Variants in SIRT7 observed in about 807,000 individuals in gnomAD.
SIRT7 encodes NAD-dependent protein deacetylase sirtuin-7.
Under a neutral mutation model 42.8 loss-of-function variants are expected in SIRT7, and 32 were observed. That is an observed-to-expected ratio of 0.75 (90% CI 0.56 to 1.00). The LOEUF is 1.00. Ranked by LOEUF, SIRT7 falls within the 50% of genes least tolerant of loss-of-function variation. The pLI, the probability that SIRT7 is intolerant of heterozygous loss-of-function variation, is 0.00. For missense variants in SIRT7, 553 were observed against 572.2 expected (o/e 0.97, Z 0.34); for synonymous variants, 297 against 245.2 (o/e 1.21, Z -1.97).
Position 81,914,498 on chromosome 17 carries a change from G to A in SIRT7, c.612C>T (p.Tyr204=), listed in dbSNP as rs1326886595. The A allele has an allele frequency of 1.3e-5, 21 of 1,613,064 alleles. No homozygotes were observed. The highest frequency in any genetic ancestry group is 1.7e-5 in the Non-Finnish European group (20 of 1,180,024). ...GCTCCGTCACATCGAACACCCGCACGTACTCCCTGTTGGGAACGCAGGAGG... is the reference window on the plus strand; with the variant it reads ...GCTCCGTCACATCGAACACCCGCACATACTCCCTGTTGGGAACGCAGGAGG... The part of the protein sequence containing the change: ...VCTSCVPNRE[Y]VRVFDVTERT... The change falls in exon 7 of 10, where the codon TAC becomes TAT. Residue 204 remains tyrosine, a synonymous_variant. Transcript: ENST00000328666.
chr17:81,913,542 C>G lies in SIRT7; in HGVS notation c.1004+232G>C. 2 of 531,816 alleles carry G rather than the reference C, an allele frequency of 3.8e-6. No homozygotes were observed. Among genetic ancestry groups the G allele is most frequent in the Non-Finnish European group, 6.8e-6 (2 of 293,242 alleles). 32.9% of individuals were successfully genotyped at this position (531,816 alleles called of 1,614,324 possible). A position where few individuals can be genotyped will look rare whatever the true frequency, so the allele number is the denominator to read the frequency against. ...GGAGCAGGAGCACGCGGGCAGAATC[C>G]CTCTCCCCGCGGGGATTGTGTGTGC... On this transcript the variant is annotated intron_variant, in intron 9 of 9. Transcript: ENST00000328666. This position sits in a 1 kb window ranked among gnomAD's most constrained non-coding sequence, Gnocchi z 5.0.
In SIRT7 at chr17:81,913,939, T is replaced by C. The variant is rs2040741798; in HGVS notation, c.898-59A>G. On this transcript the variant is annotated intron_variant, in intron 8 of 9. Coordinates refer to ENST00000328666, the MANE Select transcript of SIRT7 (RefSeq NM_016538.3). This position sits in a 1 kb window ranked among gnomAD's most constrained non-coding sequence, Gnocchi z 5.0. ...CAGCCCAACCCTTCCCGGTGGCCTG[T>C]CAGCCTTGGCCCCTACGGGCTCAGT... is the stretch of plus-strand genomic sequence containing the variant. 1 of 1,544,676 alleles carries C rather than the reference T, an allele frequency of 6.5e-7. No individual in the cohort carries two copies. Among genetic ancestry groups the C allele is most frequent in the African/African-American group, 1.4e-5 (1 of 73,078 alleles).
intron 5 of SIRT7, chr17:81,915,142 T>G: frequency 1.9e-6 from 1 of 530,864 alleles, no homozygotes; most frequent in Non-Finnish European, 3.4e-6. Context: ...AAGCCTCCCC[T>G]GTGACTAGGA....
At chr17:81,916,539 T>C (rs1227510783) in intron 3 of SIRT7, 1 of 149,712 alleles carries the variant, frequency 6.7e-6, no homozygotes, top group Non-Finnish European at 1.5e-5. Context: ...TGATCTCGGC[T>C]CACTGCAACC....
chr17:81,914,471 G>A lies in SIRT7; in HGVS notation c.639C>T (p.Arg213=), dbSNP rs1309811186. 1.9e-6 allele frequency: 3 copies of A among 1,613,158 alleles called. No individual in the cohort carries two copies. The South Asian group carries it at 3.3e-5, about 18-fold the overall frequency. The stretch of plus-strand genomic sequence containing the variant: ...CTGTCTGGTGTCTGTGGAGGGCAGT[G>A]CGCTCCGTCACATCGAACACCCGCA... ...EYVRVFDVTE[R]TALHRHQTGR... is the part of the protein sequence containing the mutation. The change falls in exon 7 of 10, where the codon CGC becomes CGT. Residue 213 remains arginine, a synonymous_variant. Transcript: ENST00000328666.
At position 81,913,319 on chromosome 17, in the gene SIRT7, G is replaced by A; in HGVS notation, c.1004+455C>T. On this transcript the variant is annotated intron_variant, in intron 9 of 9. Coordinates refer to ENST00000328666, the MANE Select transcript of SIRT7 (RefSeq NM_016538.3). The surrounding 1 kb of genome is among the most constrained non-coding windows in gnomAD (Gnocchi z 5.0). ...CTGAAAATTCACAGAGAAAGAGAGT[G>A]TAAACTTTTTACTCAATACATACAC... 2.2e-6 allele frequency: 1 copy of A among 455,682 alleles called. No individual in the cohort carries two copies. Among genetic ancestry groups the A allele is most frequent in the Non-Finnish European group, 4.4e-6 (1 of 227,116 alleles). 28.2% of individuals were successfully genotyped at this position (455,682 alleles called of 1,614,324 possible). A position where few individuals can be genotyped will look rare whatever the true frequency, so the allele number is the denominator to read the frequency against.
chr17:81,912,391 C>T lies in SIRT7; in HGVS notation c.*25G>A, dbSNP rs762497990. 5 of 1,614,022 alleles carry T rather than the reference C, an allele frequency of 3.1e-6. No homozygotes were observed. The highest frequency in any genetic ancestry group is 3.4e-6 in the Non-Finnish European group (4 of 1,180,000). ...GTGACACTGGCCATCTGCAAAGTGCCAACTGTTCTTCATCGAGCACGTGAT... is the reference window on the plus strand; with the variant it reads ...GTGACACTGGCCATCTGCAAAGTGCTAACTGTTCTTCATCGAGCACGTGAT... On this transcript the variant is annotated 3_prime_UTR_variant, in exon 10 of 10. Transcript: ENST00000328666.
At chr17:81,912,861 C>T (rs951230940) in intron 9 of SIRT7, 5 of 574,146 alleles carry the variant, frequency 8.7e-6, no homozygotes, top group Admixed American at 2.9e-5. Flanking sequence ...CTCAAAACTC[C>T]GTGTCCTTGT....
rs761203594 is a variant in SIRT7, at chr17:81,914,353, C to T, written c.757G>A (p.Ala253Thr). ...GCTCTGCTGGCAGCCTCGGTCGCCGCTTCCCAGTTCAAAGGCTGCCCCAAC... is the reference window on the plus strand; with the variant it reads ...GCTCTGCTGGCAGCCTCGGTCGCCGTTTCCCAGTTCAAAGGCTGCCCCAAC... The part of the protein sequence containing the change: ...GTLGQPLNWE[A>T]ATEAASRADT... Residue 253 changes from alanine to threonine, a missense_variant, in exon 7 of 10, where the codon GCG becomes ACG. Transcript: ENST00000328666. 1.2e-6 allele frequency: 2 copies of T among 1,613,062 alleles called. No homozygotes were observed. Among genetic ancestry groups the T allele is most frequent in the Non-Finnish European group, 1.7e-6 (2 of 1,180,008 alleles).
intron 3 of SIRT7, 120 bp from the exon 4 acceptor site, chr17:81,915,801 G>C: frequency 8.9e-7 from 1 of 1,124,834 alleles, no homozygotes; most frequent in Admixed American, 2.0e-5. Flanking sequence ...CTGCATGTTG[G>C]CCTCTATTCA....
chr17:81,913,558 TTG>T lies in SIRT7; in HGVS notation c.1004+214_1004+215del. 6 of 556,732 alleles carry T rather than the reference TTG, an allele frequency of 1.1e-5. No homozygotes were observed. The South Asian group carries it at 1.2e-4, about 11-fold the overall frequency. 34.5% of individuals were successfully genotyped at this position (556,732 alleles called of 1,614,324 possible). A position where few individuals can be genotyped will look rare whatever the true frequency, so the allele number is the denominator to read the frequency against. On this transcript the variant is annotated intron_variant, in intron 9 of 9. Transcript: ENST00000328666. This position sits in a 1 kb window ranked among gnomAD's most constrained non-coding sequence, Gnocchi z 5.0. The stretch of plus-strand genomic sequence containing the variant: ...GGCAGAATCCCTCTCCCCGCGGGGA[TTG>T]TGTGTGCCACATCAGCCAGGGCAGG...
chr17:81,914,016 G>A (rs539592946), intron 8 of SIRT7, 71 bp downstream of exon 8: 3 of 1,588,622 alleles, frequency 1.9e-6, no homozygotes, highest in East Asian at 2.2e-5. Flanking sequence ...CTGGTGCATG[G>A]GTGTGGGGTG....
rs767236437 is a variant in SIRT7 at position 81,914,377 on chromosome 17, A to G, written c.733T>C (p.Leu245=). The G allele has an allele frequency of 3.7e-6, 6 of 1,613,036 alleles. No homozygotes were observed. The highest frequency in any genetic ancestry group is 3.3e-5 in the Admixed American group (2 of 60,010). ...GCTTCCCAGTTCAAAGGCTGCCCCA[A>G]CGTCCCCCTCTCCCCAAAGTGCACA... The part of the protein sequence containing the change: ...TIVHFGERGT[L]GQPLNWEAAT... The change falls in exon 7 of 10, where the codon TTG becomes CTG. Residue 245 remains leucine, a synonymous_variant. Coordinates refer to ENST00000328666, the MANE Select transcript of SIRT7 (RefSeq NM_016538.3).
rs757515010 is a variant in SIRT7 at position 81,918,149 on chromosome 17, G to A, written c.-18C>T. The A allele has an allele frequency of 5.9e-6, 9 of 1,535,330 alleles. No homozygotes were observed. The highest frequency in any genetic ancestry group is 1.4e-5 in the African/African-American group (1 of 70,286). Reference sequence around the variant, plus strand: ...GCTGCCATCGCTCCCCTGGAGACCTGCTCTTCCGCTTCCGCCTCACACGGC... The same window carrying A: ...GCTGCCATCGCTCCCCTGGAGACCTACTCTTCCGCTTCCGCCTCACACGGC... On this transcript the variant is annotated 5_prime_UTR_variant, in exon 1 of 10. Transcript: ENST00000328666.
In SIRT7 at chr17:81,912,146, GA is replaced by G. The variant is rs2040674730; in HGVS notation, c.*269del. ...CGCTTCCACTCTGCAGGCCGGGGCT[GA>G]AATAACCCGAGTTCCGTTCTCACAG... On this transcript the variant is annotated 3_prime_UTR_variant, in exon 10 of 10. Transcript: ENST00000328666. The G allele has an allele frequency of 1.9e-6, 1 of 526,996 alleles. No homozygotes were observed. The highest frequency in any genetic ancestry group is 3.4e-6 in the Non-Finnish European group (1 of 292,982). The allele number at this position is 526,996 out of a possible 1,614,324, so 32.6% of individuals were successfully genotyped here. A position where few individuals can be genotyped will look rare whatever the true frequency, so the allele number is the denominator to read the frequency against.
Position 81,918,104 on chromosome 17 carries a change from C to T in SIRT7, c.28G>A (p.Glu10Lys), listed in dbSNP as rs766270177. 1 of 1,551,724 alleles carries T rather than the reference C, an allele frequency of 6.4e-7. No homozygotes were observed. Among genetic ancestry groups the T allele is most frequent in the East Asian group, 2.6e-5 (1 of 38,976 alleles). Residue 10 changes from glutamate (E) to lysine (K), a missense_variant, in exon 1 of 10, where the codon GAG (glutamate) becomes AAG (lysine). Coordinates refer to ENST00000328666, the MANE Select transcript of SIRT7 (RefSeq NM_016538.3). MAAGGLSRS[E>K]RKAAERVRRL... ...CGGACCCGCTCCGCCGCTTTGCGCT[C>T]GGAGCGGCTCAGACCCCCGGCTGCC... is the stretch of plus-strand genomic sequence containing the variant.
At position 81,913,268 on chromosome 17, in the gene SIRT7, A is replaced by G. The variant is rs1298842809; in HGVS notation, c.1004+506T>C. On this transcript the variant is annotated intron_variant, in intron 9 of 9. Transcript: ENST00000328666. The surrounding 1 kb of genome is among the most constrained non-coding windows in gnomAD (Gnocchi z 5.0). Reference sequence around the variant, plus strand: ...ATTTCTTGAACCCTTTGATTAAAAGAAGTTATTGATTTCCCCTATAAGACC... The same window carrying G: ...ATTTCTTGAACCCTTTGATTAAAAGGAGTTATTGATTTCCCCTATAAGACC... 2.2e-6 allele frequency: 1 copy of G among 456,058 alleles called. No homozygotes were observed. The highest frequency in any genetic ancestry group is 4.4e-6 in the Non-Finnish European group (1 of 227,040). 28.3% of individuals were successfully genotyped at this position (456,058 alleles called of 1,614,324 possible). A position where few individuals can be genotyped will look rare whatever the true frequency, so the allele number is the denominator to read the frequency against.
At position 81,917,985 on chromosome 17, in the gene SIRT7, G is replaced by C; in HGVS notation, c.94-18C>G. Reference sequence around the variant, plus strand: ...CGCGACACCTGCGGGCAGGCGGACGGTGAGCGGCGGCGCGGGCCGGGCATG... The same window carrying C: ...CGCGACACCTGCGGGCAGGCGGACGCTGAGCGGCGGCGCGGGCCGGGCATG... On this transcript the variant is annotated intron_variant, in intron 1 of 9. Coordinates refer to ENST00000328666, the MANE Select transcript of SIRT7 (RefSeq NM_016538.3). 7.5e-7 allele frequency: 1 copy of C among 1,335,646 alleles called. No individual in the cohort carries two copies. The highest frequency in any genetic ancestry group is 9.5e-7 in the Non-Finnish European group (1 of 1,052,474). 82.7% of individuals were successfully genotyped at this position (1,335,646 alleles called of 1,614,324 possible).
In SIRT7 at chr17:81,913,602, T is replaced by G. The variant is rs1598340690; in HGVS notation, c.1004+172A>C. 1.6e-6 allele frequency: 1 copy of G among 612,826 alleles called. No individual in the cohort carries two copies. The highest frequency in any genetic ancestry group is 1.9e-5 in the South Asian group (1 of 52,638). 38.0% of individuals were successfully genotyped at this position (612,826 alleles called of 1,614,324 possible). ...CAGGGCAGGAGTGGCACACGCAGGG[T>G]CTCCGCCAACCACCGAGGTCAGGCC... On this transcript the variant is annotated intron_variant, in intron 9 of 9. Coordinates refer to ENST00000328666, the MANE Select transcript of SIRT7 (RefSeq NM_016538.3). The surrounding 1 kb of genome is among the most constrained non-coding windows in gnomAD (Gnocchi z 5.0).
Sources: allele counts gnomAD v4.1 joint callset, GRCh38; gene constraint gnomAD v4.1.1; non-coding constraint Gnocchi (gnomAD v3.1); transcripts MANE v1.5; gene names NCBI Gene and HGNC (gene_info 2026-07-23, HGNC 2026-07-21).